The following ZCCHC24 variants were observed in gnomAD, a reference collection of about 807,000 sequenced individuals.
The protein encoded by ZCCHC24 is zinc finger CCHC-type containing 24, also known as zinc finger CCHC domain-containing protein 24.
In ZCCHC24, 10 loss-of-function variants were observed where a neutral mutation model predicts 26.2. That is an observed-to-expected ratio of 0.38 (90% CI 0.24 to 0.65). ZCCHC24 has a LOEUF of 0.65. Among genes scored for constraint, ZCCHC24 ranks in the 30% least tolerant of loss-of-function variants. The pLI, the probability that ZCCHC24 is intolerant of heterozygous loss-of-function variation, is 0.54. For missense variants in ZCCHC24, 243 were observed against 329.1 expected, an observed-to-expected ratio of 0.74 and a Z score of 2.03; for synonymous variants, 144 against 147.1, an observed-to-expected ratio of 0.98 and a Z score of 0.15.
In ZCCHC24 at chr10:79,383,535, A is replaced by G. The variant is rs1445503197; in HGVS notation, c.*2810T>C. The G allele has an allele frequency of 6.6e-6, 1 of 152,280 alleles. No homozygotes were observed. The highest frequency in any genetic ancestry group is 2.4e-5 in the African/African-American group (1 of 41,406). The allele number at this position is 152,280 out of a possible 1,614,324, so 9.4% of individuals were successfully genotyped here. On this transcript the variant is annotated 3_prime_UTR_variant, in exon 4 of 4. Coordinates refer to ENST00000372336, the MANE Select transcript of ZCCHC24 (RefSeq NM_153367.4). The stretch of plus-strand genomic sequence containing the variant: ...AAATACTTCCAGAAATCTTTGTTTG[A>G]TATTCTCTTGCCCTCCTGAAAGTTC...
chr10:79,395,924 C>T (rs1335282822), intron 2 of ZCCHC24, among the ~76,000 whole-genome samples: 1 of 152,146 alleles, frequency 6.6e-6, no homozygotes, highest in Non-Finnish European at 1.5e-5. Context: ...ATACAGTCAT[C>T]ACCACAATCT....
chr10:79,394,225 A>G (rs746579677), intron 3 of ZCCHC24, 51 bp downstream of exon 3: 1 of 1,584,438 alleles, frequency 6.3e-7, no homozygotes, highest in Admixed American at 1.7e-5. Flanking sequence ...GGTAAGGGAA[A>G]AGTTGCCCTC....
Position 79,390,044 on chromosome 10 carries a change from A to T in ZCCHC24, c.613-3586T>A, listed in dbSNP as rs191018689. Among the ~76,000 whole-genome samples the T allele has an allele frequency of 5.1e-3, 779 of 152,048 alleles. 4 individuals carry two copies. The highest frequency in any genetic ancestry group is 7.7e-3 in the East Asian group (40 of 5,182). On this transcript the variant is annotated intron_variant, in intron 3 of 3. Transcript: ENST00000372336. Reference sequence around the variant, plus strand: ...ATACCTGGCTAATTGTTTAAAAAAAATTTTTTTATAGAGACGAGGTCTCAC... The same window carrying T: ...ATACCTGGCTAATTGTTTAAAAAAATTTTTTTTATAGAGACGAGGTCTCAC...
chr10:79,435,734 G>A (rs1857207477), intron 1 of ZCCHC24, among the ~76,000 whole-genome samples: 1 of 152,244 alleles, frequency 6.6e-6, no homozygotes, highest in South Asian at 2.1e-4. Context: ...AGGGTACCCA[G>A]CCAGGCCCCA....
At chr10:79,420,924 A>G (rs186543540) in intron 2 of ZCCHC24, among the ~76,000 whole-genome samples, 11 of 152,314 alleles carry the variant, frequency 7.2e-5, no homozygotes, top group Admixed American at 4.6e-4. Flanking sequence ...GGATGTTTTA[A>G]TATCTTCATT....
intron 2 of ZCCHC24, among the ~76,000 whole-genome samples, chr10:79,417,400 G>T (rs541340640): frequency 1.3e-5 from 2 of 152,222 alleles, no homozygotes; most frequent in African/African-American, 4.8e-5. Flanking sequence ...GCCAGGCAGG[G>T]AGGAAGGCCT....
intron 2 of ZCCHC24, among the ~76,000 whole-genome samples, chr10:79,403,871 AG>A (rs1856672280): frequency 6.6e-6 from 1 of 151,702 alleles, no homozygotes; most frequent in African/African-American, 2.4e-5. Flanking sequence ...AACCCTGGGG[AG>A]GGGGGCATGG....
In ZCCHC24 at chr10:79,403,324, G is replaced by A. The variant is rs116233958; in HGVS notation, c.448-8884C>T. Reference sequence around the variant, plus strand: ...GATGAGGAAACTGAGGCTCGAGACAGGGGCAGCAAGTCTGCCAAGTGCTGA... The same window carrying A: ...GATGAGGAAACTGAGGCTCGAGACAAGGGCAGCAAGTCTGCCAAGTGCTGA... On this transcript the variant is annotated intron_variant, in intron 2 of 3. Coordinates refer to ENST00000372336, the MANE Select transcript of ZCCHC24 (RefSeq NM_153367.4). 2.2e-3 allele frequency: 1,992 copies of A among 904,712 alleles called. 36 individuals carry two copies. The African/African-American group carries it at 0.033, about 15-fold the overall frequency. 56.0% of individuals were successfully genotyped at this position (904,712 alleles called of 1,614,324 possible).
At chr10:79,436,092 G>GC (rs1393549922) in intron 1 of ZCCHC24, among the ~76,000 whole-genome samples, 2 of 152,194 alleles carry the variant, frequency 1.3e-5, no homozygotes, top group Non-Finnish European at 2.9e-5. Flanking sequence ...GCATGCAGAG[G>GC]CCGACACAGG....
At chr10:79,444,165 G>T (rs926755025) in intron 1 of ZCCHC24, 2 of 1,543,128 alleles carry the variant, frequency 1.3e-6, no homozygotes, top group African/African-American at 1.4e-5. Context: ...CACACCTCTT[G>T]CATCTTTGCA....
chr10:79,438,979 G>A (rs530678720), intron 1 of ZCCHC24, among the ~76,000 whole-genome samples: 2 of 152,344 alleles, frequency 1.3e-5, no homozygotes, highest in South Asian at 2.1e-4. Context: ...GCAAGAATAT[G>A]AGAATCCCAG....
chr10:79,403,045 C>A (rs1316942866), intron 2 of ZCCHC24, among the ~76,000 whole-genome samples: 1 of 152,214 alleles, frequency 6.6e-6, no homozygotes, highest in Non-Finnish European at 1.5e-5. Context: ...AGTCCAAGGC[C>A]TTCCAAAGAA....
At chr10:79,389,342 T>C (rs1353170091) in intron 3 of ZCCHC24, among the ~76,000 whole-genome samples, 1 of 152,226 alleles carries the variant, frequency 6.6e-6, no homozygotes, top group Non-Finnish European at 1.5e-5. Context: ...GAAAACTCTG[T>C]GTCTGGTGTC....
chr10:79,441,788 A>T (rs1000591779), intron 1 of ZCCHC24, among the ~76,000 whole-genome samples: 1 of 152,112 alleles, frequency 6.6e-6, no homozygotes, highest in Non-Finnish European at 1.5e-5. Flanking sequence ...CCTTCCAGCT[A>T]CGTCTGTCCC....
intron 2 of ZCCHC24, among the ~76,000 whole-genome samples, chr10:79,425,930 T>C (rs1275503172): frequency 6.6e-6 from 1 of 152,180 alleles, no homozygotes; most frequent in African/African-American, 2.4e-5. Flanking sequence ...GGCCGGACCA[T>C]GGCTAGACCA....
At chr10:79,430,298 G>A (rs925952046) in intron 2 of ZCCHC24, among the ~76,000 whole-genome samples, 1 of 152,074 alleles carries the variant, frequency 6.6e-6, no homozygotes, top group Non-Finnish European at 1.5e-5. Flanking sequence ...GCCTTCACGA[G>A]TCCAGGACAG....
intron 3 of ZCCHC24, 41 bp from the exon 4 acceptor site, chr10:79,386,499 AG>A: frequency 6.8e-7 from 1 of 1,480,692 alleles, no homozygotes; most frequent in East Asian, 2.3e-5. Flanking sequence ...GAGTGAGGGG[AG>A]AGAAAGACAG....
chr10:79,439,184 C>T (rs1307949906), intron 1 of ZCCHC24, among the ~76,000 whole-genome samples: 1 of 152,172 alleles, frequency 6.6e-6, no homozygotes, highest in East Asian at 1.9e-4. Context: ...CTTGTGCTGG[C>T]AGCAGAAACT....
chr10:79,400,111 G>A (rs1185269739), intron 2 of ZCCHC24, among the ~76,000 whole-genome samples: 1 of 152,160 alleles, frequency 6.6e-6, no homozygotes, highest in East Asian at 1.9e-4. Context: ...GCTGGGGTGG[G>A]GGCTGAACAG....
Sources: allele counts gnomAD v4.1 joint callset (sites outside exome capture counted in the v4.1 genomes callset), GRCh38; gene constraint gnomAD v4.1.1; transcripts MANE v1.5; gene names NCBI Gene and HGNC (gene_info 2026-07-23, HGNC 2026-07-21).